NR2C1: variants seen among roughly 807,000 people sequenced by gnomAD.
The protein encoded by NR2C1 is TR2 nuclear hormone receptor.
NR2C1 carries 33 observed loss-of-function variants against 74.8 expected under a neutral mutation model. The observed-to-expected ratio is 0.44, with a 90% CI of 0.33 to 0.59. NR2C1 has a LOEUF of 0.59. Among genes scored for constraint, NR2C1 ranks in the 20% least tolerant of loss-of-function variants. The pLI, the probability that NR2C1 is intolerant of heterozygous loss-of-function variation, is 0.02. For missense variants in NR2C1, 568 were observed against 715.6 expected (o/e 0.79, Z 2.35); for synonymous variants, 225 against 240.6 (o/e 0.94, Z 0.60).
chr12:95,070,406 A>C (rs1257130005), intron 1 of NR2C1, among the ~76,000 whole-genome samples: 2 of 152,196 alleles, frequency 1.3e-5, no homozygotes, highest in African/African-American at 2.4e-5. Context: ...TGTGGGGATT[A>C]CAGGTATGAG....
At chr12:95,049,283 A>G (rs780526441) in intron 8 of NR2C1, 50 bp from the exon 9 acceptor site, 3 of 1,551,632 alleles carry the variant, frequency 1.9e-6, no homozygotes, top group African/African-American at 1.4e-5. Context: ...CCGCAATAAA[A>G]TAACAATTCT....
At chr12:95,023,328 G>A (rs1489074483) in intron 13 of NR2C1, among the ~76,000 whole-genome samples, 1 of 152,064 alleles carries the variant, frequency 6.6e-6, no homozygotes, top group African/African-American at 2.4e-5. Flanking sequence ...AGGTTGCAGT[G>A]AGCCGAGATC....
intron 9 of NR2C1, among the ~76,000 whole-genome samples, chr12:95,043,495 C>G (rs1871866401): frequency 6.6e-6 from 1 of 151,944 alleles, no homozygotes. Flanking sequence ...TCAAGACCAG[C>G]CTGCCAATGA....
At position 95,038,101 on chromosome 12, in the gene NR2C1, T is replaced by C. The variant is rs182153536; in HGVS notation, c.1253+2375A>G. On this transcript the variant is annotated intron_variant, in intron 10 of 13. Transcript: ENST00000333003. The stretch of plus-strand genomic sequence containing the variant: ...GGCCTTGACTGCTAGATCAAGTTAT[T>C]CTAATTACAAAGAATCTTGTGGTTG... 9.1e-4 allele frequency among the ~76,000 whole-genome samples: 139 copies of C among 152,302 alleles called. 1 individual carries two copies. Among genetic ancestry groups the C allele is most frequent in the African/African-American group, 3.0e-3 (125 of 41,574 alleles).
chr12:95,061,208 T>C (rs1466088575), intron 3 of NR2C1, among the ~76,000 whole-genome samples: 1 of 152,152 alleles, frequency 6.6e-6, no homozygotes, highest in African/African-American at 2.4e-5. Flanking sequence ...TCAGGAGACA[T>C]GTCAACTCAA....
intron 12 of NR2C1, chr12:95,028,151 T>A: frequency 2.7e-6 from 1 of 366,630 alleles, no homozygotes; most frequent in Admixed American, 4.4e-5. Context: ...ATAATGCTGC[T>A]ATGACTATTT....
chr12:95,054,748 T>C (rs772173633), intron 7 of NR2C1, among the ~76,000 whole-genome samples: 4 of 152,184 alleles, frequency 2.6e-5, no homozygotes, highest in Non-Finnish European at 4.4e-5. Context: ...TCTAACTAGA[T>C]TCTTTTTTAT....
Position 95,040,516 on chromosome 12 carries a change from T to C in NR2C1, c.1213A>G (p.Met405Val), listed in dbSNP as rs766476937. The C allele has an allele frequency of 3.7e-6, 6 of 1,613,960 alleles. No homozygotes were observed. In the Admixed American group the frequency reaches 5.0e-5, roughly 13 times the overall value. Residue 405 changes from methionine (M) to valine (V), a missense_variant, in exon 10 of 14, where the codon ATG becomes GTG. This residue lies in a region of NR2C1 where 39 missense variants were observed against 64.6 expected (regional missense o/e 0.60). Transcript: ENST00000333003. ...ESASRLLFLS[M>V]HWALSIPSFQ... ...GAAGGAATCGAAAGTGCCCAGTGCATTGATAAGAACAGCAGTCTGGAGGCA... is the reference window on the plus strand; with the variant it reads ...GAAGGAATCGAAAGTGCCCAGTGCACTGATAAGAACAGCAGTCTGGAGGCA...
chr12:95,037,808 T>C (rs1871044491), intron 10 of NR2C1, among the ~76,000 whole-genome samples: 1 of 145,218 alleles, frequency 6.9e-6, no homozygotes. Context: ...GGCAGGAGAA[T>C]GGCCTGAACC....
chr12:95,054,481 A>G (rs1221070259), intron 7 of NR2C1, among the ~76,000 whole-genome samples: 1 of 151,836 alleles, frequency 6.6e-6, no homozygotes, highest in Non-Finnish European at 1.5e-5. Flanking sequence ...TAATTTTTTT[A>G]TTTTTAGAGA....
Position 95,040,302 on chromosome 12 carries a change from TAC to T in NR2C1, c.1253+172_1253+173del, listed in dbSNP as rs572784792. ...AAATATGGATACTCTTCCACATAAA[TAC>T]AGAGAAAATACTAGTTAGCTGCCAT... On this transcript the variant is annotated intron_variant, in intron 10 of 13. Transcript: ENST00000333003. 1.0e-3 allele frequency among the ~76,000 whole-genome samples: 159 copies of T among 152,302 alleles called. 1 individual carries two copies. Among genetic ancestry groups the T allele is most frequent in the African/African-American group, 3.7e-3 (155 of 41,566 alleles).
At chr12:95,062,450 TGATTAA>T in intron 3 of NR2C1, 52 bp downstream of exon 3, 2 of 1,179,770 alleles carry the variant, frequency 1.7e-6, no homozygotes, top group East Asian at 2.6e-5. Context: ...GCAGGGCTTA[TGATTAA>T]AATTTTTTTT....
chr12:95,059,471 C>T (rs80007301), intron 4 of NR2C1, among the ~76,000 whole-genome samples: 6,782 of 151,954 alleles, frequency 0.045, 205 homozygotes, highest in Middle Eastern at 0.095. Context: ...CTTTGGGAGG[C>T]CAAGGAGGGG....
intron 8 of NR2C1, 135 bp from the exon 9 acceptor site, chr12:95,049,368 C>T: frequency 1.4e-6 from 1 of 713,550 alleles, no homozygotes; most frequent in Admixed American, 2.9e-5. Flanking sequence ...GATATGCCCG[C>T]CTCAGCCTTC....
chr12:95,069,362 A>G (rs1280514602), intron 1 of NR2C1, among the ~76,000 whole-genome samples: 3 of 152,180 alleles, frequency 2.0e-5, no homozygotes, highest in Admixed American at 6.5e-5. Flanking sequence ...TGCATATACA[A>G]TAGCGGTACC....
intron 3 of NR2C1, 95 bp downstream of exon 3, chr12:95,062,412 GA>G (rs1874912772): frequency 5.1e-6 from 4 of 785,600 alleles, no homozygotes; most frequent in Non-Finnish European, 8.1e-6. Context: ...TTTTCCTACT[GA>G]ATATACATAG....
chr12:95,051,378 A>T (rs558723058), intron 8 of NR2C1, among the ~76,000 whole-genome samples: 3 of 152,304 alleles, frequency 2.0e-5, no homozygotes, highest in African/African-American at 7.2e-5. Flanking sequence ...AAGCACGCCC[A>T]CTAAGGATGA....
chr12:95,040,281 A>G (rs539730629), intron 10 of NR2C1, among the ~76,000 whole-genome samples, 195 bp downstream of exon 10: 8 of 152,324 alleles, frequency 5.3e-5, no homozygotes, highest in African/African-American at 1.9e-4. Context: ...ACTACAAAAT[A>G]TGGATACTCT....
At chr12:95,037,193 C>T (rs1181155620) in intron 10 of NR2C1, among the ~76,000 whole-genome samples, 2 of 152,116 alleles carry the variant, frequency 1.3e-5, no homozygotes, top group African/African-American at 4.8e-5. Context: ...TTACTCCAGG[C>T]AAATCATGAC....
Sources: gnomAD v4.1 joint callset for allele counts (sites outside exome capture counted in the v4.1 genomes callset) on GRCh38, gnomAD v4.1.1 for gene constraint, gnomAD v4.1.1 regional missense constraint, MANE v1.5 for transcripts, NCBI Gene and HGNC (gene_info 2026-07-23, HGNC 2026-07-21) for gene names.